Variants in RAB3C observed in about 807,000 individuals in gnomAD.
RAB3C encodes RAB3C, member RAS oncogene family, also known as ras-related protein Rab-3C.
In RAB3C, 17 loss-of-function variants were observed where a neutral mutation model predicts 26.4. The observed-to-expected ratio is 0.64, with a 90% CI of 0.44 to 0.97. The LOEUF (loss-of-function observed/expected upper bound fraction) is 0.97, where lower values mean the gene tolerates loss of function less well. RAB3C is among the 50% of genes least tolerant of loss of function. The probability of loss-of-function intolerance (pLI) is 0.00; values close to 1 mark genes in which losing one functional copy is unlikely to be tolerated. For synonymous variants in RAB3C, 91 were observed against 95.9 expected (o/e 0.95, Z 0.30); for missense variants, 242 against 281.9 (o/e 0.86, Z 1.01).
intron 2 of RAB3C, among the ~76,000 whole-genome samples, chr5:58,682,266 G>C (rs1371649154): frequency 2.0e-5 from 3 of 152,220 alleles, no homozygotes; most frequent in Non-Finnish European, 4.4e-5. Flanking sequence ...CTGAACATGA[G>C]AGTGGCAGTA....
In RAB3C at chr5:58,605,702, A is replaced by G. The variant is rs77657535; in HGVS notation, c.25-11941A>G. ...CTCTTGAGGTCAGGAGTTCAAGATC[A>G]TCTTGGCCAACATAGTGAAACCCTG... On this transcript the variant is annotated intron_variant, in intron 1 of 4. Transcript: ENST00000282878. 4.2e-4 allele frequency among the ~76,000 whole-genome samples: 64 copies of G among 152,266 alleles called. 1 individual carries two copies. In the East Asian group the frequency reaches 0.011, roughly 27 times the overall value.
At chr5:58,735,864 A>G (rs1408448256) in intron 3 of RAB3C, among the ~76,000 whole-genome samples, 1 of 152,150 alleles carries the variant, frequency 6.6e-6, no homozygotes, top group Non-Finnish European at 1.5e-5. Flanking sequence ...AGATTGTTAT[A>G]CATTCCTAAT....
rs960912047 is a variant in RAB3C at position 58,859,011 on chromosome 5, C to T, written c.*7660C>T. On this transcript the variant is annotated 3_prime_UTR_variant, in exon 5 of 5. Transcript: ENST00000282878. ...TTTCCCATAAAGGGCATTGGAAATGCACAGATGAAGATCTTCCTTTGGAAC... is the reference window on the plus strand; with the variant it reads ...TTTCCCATAAAGGGCATTGGAAATGTACAGATGAAGATCTTCCTTTGGAAC... 25 of 152,218 alleles carry T rather than the reference C, an allele frequency of 1.6e-4. No homozygotes were observed. Among genetic ancestry groups the T allele is most frequent in the African/African-American group, 5.1e-4 (21 of 41,462 alleles). The allele number at this position is 152,218 out of a possible 1,614,324, so 9.4% of individuals were successfully genotyped here.
chr5:58,775,705 A>G (rs182806610), intron 3 of RAB3C, among the ~76,000 whole-genome samples: 3 of 152,030 alleles, frequency 2.0e-5, no homozygotes, highest in Non-Finnish European at 2.9e-5. Flanking sequence ...ATTTTTTTTT[A>G]AAATACCTAT....
At chr5:58,801,575 AC>A (rs1392674318) in intron 3 of RAB3C, among the ~76,000 whole-genome samples, 3 of 152,254 alleles carry the variant, frequency 2.0e-5, no homozygotes, top group African/African-American at 4.8e-5. Flanking sequence ...ATCATCCCGT[AC>A]CCATGGTTAT....
In RAB3C at chr5:58,825,825, G is replaced by A. The variant is rs190615216; in HGVS notation, c.496+663G>A. On this transcript the variant is annotated intron_variant, in intron 4 of 4. Coordinates refer to ENST00000282878, the MANE Select transcript of RAB3C (RefSeq NM_138453.4). ...AGGGTAGAGATTTAATACAAAGGAG[G>A]GATTGATGATTGATGATTGATTGAT... Among the ~76,000 whole-genome samples the A allele has an allele frequency of 1.4e-4, 22 of 152,186 alleles. No individual in the cohort carries two copies. The East Asian group carries it at 3.5e-3, about 24-fold the overall frequency.
Position 58,721,946 on chromosome 5 carries a change from T to C in RAB3C, c.253-4056T>C, listed in dbSNP as rs1269921404. Among the ~76,000 whole-genome samples, 5 of 151,894 alleles carry C rather than the reference T, an allele frequency of 3.3e-5. No individual in the cohort carries two copies. The East Asian group carries it at 9.7e-4, about 30-fold the overall frequency. Reference sequence around the variant, plus strand: ...TCTGAAAGCTTCTATTTTTTTTTTCTTAAAAGCTGGTTTTTCCCTCTCTCT... The same window carrying C: ...TCTGAAAGCTTCTATTTTTTTTTTCCTAAAAGCTGGTTTTTCCCTCTCTCT... On this transcript the variant is annotated intron_variant, in intron 2 of 4. Coordinates refer to ENST00000282878, the MANE Select transcript of RAB3C (RefSeq NM_138453.4).
At chr5:58,666,606 C>G (rs1165776053) in intron 2 of RAB3C, among the ~76,000 whole-genome samples, 1 of 152,152 alleles carries the variant, frequency 6.6e-6, no homozygotes, top group Non-Finnish European at 1.5e-5. Flanking sequence ...GGTTCACACA[C>G]CACAGTCTTT....
intron 3 of RAB3C, among the ~76,000 whole-genome samples, chr5:58,733,239 A>G (rs182295528): frequency 5.0e-4 from 76 of 152,286 alleles, no homozygotes; most frequent in African/African-American, 1.8e-3. Flanking sequence ...GTAAAACTAC[A>G]TAGAAAACGC....
intron 3 of RAB3C, among the ~76,000 whole-genome samples, chr5:58,779,296 A>G (rs1467472808): frequency 6.6e-6 from 1 of 151,178 alleles, no homozygotes; most frequent in Non-Finnish European, 1.5e-5. Flanking sequence ...CTTTTCAAGA[A>G]TGAACTCATT....
intron 4 of RAB3C, among the ~76,000 whole-genome samples, chr5:58,846,127 T>A (rs1319028079): frequency 6.6e-6 from 1 of 152,214 alleles, no homozygotes; most frequent in Non-Finnish European, 1.5e-5. Context: ...TCCTTTCTTT[T>A]AAAATTGAAT....
intron 4 of RAB3C, among the ~76,000 whole-genome samples, chr5:58,825,903 ACAT>A (rs1338200375): frequency 6.6e-6 from 1 of 152,198 alleles, no homozygotes; most frequent in Non-Finnish European, 1.5e-5. Context: ...ATTATGCCAA[ACAT>A]CATGGGGTAT....
intron 2 of RAB3C, among the ~76,000 whole-genome samples, chr5:58,652,545 G>T (rs1747678639): frequency 6.6e-6 from 1 of 151,846 alleles, no homozygotes; most frequent in Non-Finnish European, 1.5e-5. Flanking sequence ...GCTTAGAGCA[G>T]GTTGTCCAGA....
intron 1 of RAB3C, among the ~76,000 whole-genome samples, chr5:58,613,127 G>T (rs1384688265): frequency 2.0e-5 from 3 of 152,078 alleles, no homozygotes; most frequent in African/African-American, 7.2e-5. Context: ...GTTTTAATCA[G>T]AGGTAACCGA....
intron 2 of RAB3C, among the ~76,000 whole-genome samples, chr5:58,722,571 T>C (rs1740794893): frequency 6.6e-6 from 1 of 151,906 alleles, no homozygotes; most frequent in Non-Finnish European, 1.5e-5. Flanking sequence ...TGACTAGTTA[T>C]AAGGGGTTAT....
chr5:58,703,429 G>A (rs1304078802), intron 2 of RAB3C, among the ~76,000 whole-genome samples: 2 of 152,096 alleles, frequency 1.3e-5, no homozygotes, highest in Non-Finnish European at 2.9e-5. Context: ...TGATCCGCCT[G>A]CCTTGGCCTC....
intron 2 of RAB3C, among the ~76,000 whole-genome samples, chr5:58,720,439 A>G (rs1162199045): frequency 2.0e-5 from 3 of 151,906 alleles, no homozygotes; most frequent in African/African-American, 2.4e-5. Context: ...ATCTGTCTTT[A>G]ATGATTCAAA....
chr5:58,669,639 ATTTGT>A lies in RAB3C; in HGVS notation c.252+51774_252+51778del, dbSNP rs933374557. Among the ~76,000 whole-genome samples the A allele has an allele frequency of 5.9e-5, 9 of 152,274 alleles. No individual in the cohort carries two copies. In the East Asian group the frequency reaches 1.7e-3, roughly 29 times the overall value. On this transcript the variant is annotated intron_variant, in intron 2 of 4. Transcript: ENST00000282878. Reference sequence around the variant, plus strand: ...GGCTCCACTAGTAACTCGTTTTTAAATTTGTTTTGAGAAAGTCACTTATTGTCTCT... The same window carrying A: ...GGCTCCACTAGTAACTCGTTTTTAAATTTGAGAAAGTCACTTATTGTCTCT...
Position 58,851,485 on chromosome 5 carries a change from C to A in RAB3C, c.*134C>A. The A allele has an allele frequency of 1.6e-6, 1 of 633,824 alleles. No homozygotes were observed. The highest frequency in any genetic ancestry group is 2.5e-6 in the Non-Finnish European group (1 of 406,074). 39.3% of individuals were successfully genotyped at this position (633,824 alleles called of 1,614,324 possible). ...TAAATTGATGTCAATGGCTCGTACG[C>A]ATTCAATTCTTGGGAGCTTTCCTGT... On this transcript the variant is annotated 3_prime_UTR_variant, in exon 5 of 5. Coordinates refer to ENST00000282878, the MANE Select transcript of RAB3C (RefSeq NM_138453.4).
Sources: gnomAD v4.1 joint callset for allele counts (sites outside exome capture counted in the v4.1 genomes callset) on GRCh38, gnomAD v4.1.1 for gene constraint, MANE v1.5 for transcripts, NCBI Gene and HGNC (gene_info 2026-07-23, HGNC 2026-07-21) for gene names.